The following RILPL1 variants were observed in gnomAD, a reference collection of about 807,000 sequenced individuals.
RILPL1 encodes RILP-like protein 1.
In RILPL1, 33 loss-of-function variants were observed where a neutral mutation model predicts 50.3. That is an observed-to-expected ratio of 0.66 (90% CI 0.50 to 0.88). RILPL1 has a LOEUF of 0.88. Ranked by LOEUF, RILPL1 falls within the 40% of genes least tolerant of loss-of-function variation. The pLI is 0.00. For missense variants in RILPL1, 418 were observed against 542.5 expected (o/e 0.77, Z 2.28); for synonymous variants, 205 against 228.6 (o/e 0.90, Z 0.93).
intron 2 of RILPL1, among the ~76,000 whole-genome samples, chr12:123,521,595 ATT>A (rs1491226252): frequency 4.2e-4 from 9 of 21,512 alleles, no homozygotes; most frequent in Non-Finnish European, 6.6e-4. Flanking sequence ...GTATATATAT[ATT>A]AATATATATA....
chr12:123,515,262 G>C (rs920511572), intron 2 of RILPL1: 2 of 151,618 alleles, frequency 1.3e-5, no homozygotes, highest in Non-Finnish European at 2.9e-5. Flanking sequence ...TATAAAAAAG[G>C]ACAAGTAATT....
chr12:123,533,207 C>T lies in RILPL1; in HGVS notation c.276G>A (p.Met92Ile). 6.3e-7 allele frequency: 1 copy of T among 1,585,778 alleles called. No individual in the cohort carries two copies. The highest frequency in any genetic ancestry group is 1.3e-5 in the African/African-American group (1 of 74,702). The change falls in exon 1 of 7, where the codon ATG (methionine) becomes ATA (isoleucine). Residue 92 changes from methionine to isoleucine, a missense_variant. Met to Ile is a conservative substitution (Grantham distance 10). Transcript: ENST00000376874. The surrounding 1 kb of genome is among the most constrained non-coding windows in gnomAD (Gnocchi z 6.2). ...GCTTGCGCTCCTTCTCGATGCGGTC[C>T]ATCCTCTCCAGGCGCAGGCGGTCCA... ...LELDRLRLER[M>I]DRIEKERKHQ...
At chr12:123,512,907 CGTGT>C (rs1014852341) in intron 2 of RILPL1, among the ~76,000 whole-genome samples, 11 of 69,022 alleles carry the variant, frequency 1.6e-4, no homozygotes, top group Non-Finnish European at 2.8e-4. Flanking sequence ...AGTGTGAGTG[CGTGT>C]ATGTGTGTGG....
At chr12:123,510,918 TGTGTGTGTGTG>T (rs1268099273) in intron 2 of RILPL1, among the ~76,000 whole-genome samples, 1 of 112,446 alleles carries the variant, frequency 8.9e-6, no homozygotes, top group Non-Finnish European at 2.1e-5. Flanking sequence ...GTGTGAGGTC[TGTGTGTGTGTG>T]GTGTGTGTAA....
intron 6 of RILPL1, among the ~76,000 whole-genome samples, chr12:123,478,117 T>C (rs1271008385): frequency 6.7e-6 from 1 of 150,130 alleles, no homozygotes. Flanking sequence ...CTGCCTCAGC[T>C]TCCCTAGTAG....
intron 2 of RILPL1, among the ~76,000 whole-genome samples, chr12:123,508,785 C>T (rs1211525453): frequency 6.6e-6 from 1 of 152,076 alleles, no homozygotes; most frequent in Non-Finnish European, 1.5e-5. Context: ...AGGAGAATTG[C>T]TTGAGCCCAG....
rs57574691 is a variant in RILPL1 at position 123,470,473 on chromosome 12, CAAAAAAA to C, written c.*2058_*2064del. On this transcript the variant is annotated 3_prime_UTR_variant, in exon 7 of 7. Transcript: ENST00000376874. ...AGGTGACAGAGTGAGACCCTGTGTC[CAAAAAAA>C]AAAAAAAAAAAAAGGCCAGCCACAG... is the stretch of plus-strand genomic sequence containing the variant. 1.4e-4 allele frequency: 12 copies of C among 86,202 alleles called. No homozygotes were observed. Among genetic ancestry groups the C allele is most frequent in the East Asian group, 3.8e-4 (1 of 2,654 alleles). 5.3% of individuals were successfully genotyped at this position (86,202 alleles called of 1,614,324 possible).
intron 2 of RILPL1, among the ~76,000 whole-genome samples, chr12:123,506,703 T>G (rs1330137400): frequency 6.6e-6 from 1 of 152,212 alleles, no homozygotes; most frequent in Non-Finnish European, 1.5e-5. Flanking sequence ...GAGCCTCTAT[T>G]CACTCATCTG....
intron 1 of RILPL1, among the ~76,000 whole-genome samples, chr12:123,524,989 G>T (rs1885199387): frequency 1.3e-5 from 2 of 152,080 alleles, no homozygotes; most frequent in South Asian, 4.1e-4. Flanking sequence ...AAAATTAGCT[G>T]GGTGTGGTGG....
At position 123,499,468 on chromosome 12, in the gene RILPL1, T is replaced by G. The variant is rs960686685; in HGVS notation, c.529A>C (p.Ile177Leu). 2.5e-6 allele frequency: 4 copies of G among 1,613,932 alleles called. No homozygotes were observed. The highest frequency in any genetic ancestry group is 3.4e-6 in the Non-Finnish European group (4 of 1,179,882). Residue 177 changes from isoleucine (I) to leucine (L), a missense_variant, in exon 3 of 7, where the codon ATC (isoleucine) becomes CTC (leucine). By Grantham distance (5) the Ile-to-Leu change is conservative. Transcript: ENST00000376874. ...KEVVDKQRDE[I>L]RAKDRELGLK... ...CCCAGCTCCCTGTCCTTGGCGCGGA[T>G]CTCGTCGCGTTGTTTGTCCACCACC...
chr12:123,492,165 G>T (rs1233996406), intron 4 of RILPL1, among the ~76,000 whole-genome samples: 1 of 151,720 alleles, frequency 6.6e-6, no homozygotes, highest in Non-Finnish European at 1.5e-5. Context: ...GGTGGAGGTT[G>T]CAGTGAACTG....
chr12:123,500,165 C>T (rs1177646943), intron 2 of RILPL1, among the ~76,000 whole-genome samples: 3 of 151,664 alleles, frequency 2.0e-5, no homozygotes, highest in Non-Finnish European at 4.4e-5. Context: ...CTCCTGACCT[C>T]GTGATCCGCC....
At chr12:123,532,314 C>G (rs1468598972) in intron 1 of RILPL1, among the ~76,000 whole-genome samples, 1 of 152,196 alleles carries the variant, frequency 6.6e-6, no homozygotes, top group African/African-American at 2.4e-5. Context: ...CCAGAAACCT[C>G]GTCTGAACTC....
chr12:123,499,639 G>A (rs116871149), intron 2 of RILPL1, 103 bp from the exon 3 acceptor site: 29,860 of 841,638 alleles, frequency 0.035, 650 homozygotes, highest in Middle Eastern at 0.071. Flanking sequence ...GTGGCCCCCC[G>A]GCCTCCTCCC....
At chr12:123,512,368 G>A in intron 2 of RILPL1, among the ~76,000 whole-genome samples, 1 of 139,570 alleles carries the variant, frequency 7.2e-6, no homozygotes, top group South Asian at 2.4e-4. Context: ...GTGTGTGTGT[G>A]TGGTGTGTCT....
At chr12:123,493,880 G>T (rs1021732719) in intron 4 of RILPL1, among the ~76,000 whole-genome samples, 2 of 151,774 alleles carry the variant, frequency 1.3e-5, no homozygotes, top group African/African-American at 4.8e-5. Context: ...CACCTCCCGG[G>T]TTCAAGCGAT....
At chr12:123,513,382 C>G (rs575430037) in intron 2 of RILPL1, 9 of 388,020 alleles carry the variant, frequency 2.3e-5, no homozygotes, top group Non-Finnish European at 4.3e-5. Flanking sequence ...CTGGGGCTGC[C>G]TTGGCTCCCC....
At chr12:123,513,452 C>T (rs960906073) in intron 2 of RILPL1, 1 of 265,752 alleles carries the variant, frequency 3.8e-6, no homozygotes, top group Non-Finnish European at 8.1e-6. Flanking sequence ...TGTGGAAGCC[C>T]AGCAGCCTCA....
chr12:123,502,411 G>A (rs974291992), intron 2 of RILPL1, among the ~76,000 whole-genome samples: 1 of 152,230 alleles, frequency 6.6e-6, no homozygotes, highest in Non-Finnish European at 1.5e-5. Context: ...GCATGCAAGC[G>A]TGAAAACCCT....
Sources: allele counts gnomAD v4.1 joint callset (sites outside exome capture counted in the v4.1 genomes callset), GRCh38; gene constraint gnomAD v4.1.1; non-coding constraint Gnocchi (gnomAD v3.1); transcripts MANE v1.5; gene names NCBI Gene and HGNC (gene_info 2026-07-23, HGNC 2026-07-21).